LRP1B: variants seen among roughly 807,000 people sequenced by gnomAD.
The protein encoded by LRP1B is LDL receptor related protein 1B.
LRP1B carries 217 observed loss-of-function variants against 556.6 expected under a neutral mutation model. That is an observed-to-expected ratio of 0.39 (90% confidence interval 0.35 to 0.44). The LOEUF is 0.44. Ranked by LOEUF, LRP1B falls within the 20% of genes least tolerant of loss-of-function variation. The probability of loss-of-function intolerance (pLI) is 1.00; values close to 1 mark genes in which losing one functional copy is unlikely to be tolerated. For missense variants in LRP1B, 5,053 were observed against 5,620.8 expected, an observed-to-expected ratio of 0.90 and a Z score of 3.23; for synonymous variants, 2,047 against 1,865.8, an observed-to-expected ratio of 1.10 and a Z score of -2.50.
intron 84 of LRP1B, among the ~76,000 whole-genome samples, chr2:140,296,562 C>T (rs539767692): frequency 2.0e-5 from 3 of 152,094 alleles, no homozygotes; most frequent in East Asian, 3.9e-4. Context: ...TAAAAAAACA[C>T]GCAATTGGGT....
intron 2 of LRP1B, among the ~76,000 whole-genome samples, chr2:141,732,622 A>G (rs1693316050): frequency 6.6e-6 from 1 of 152,130 alleles, no homozygotes; most frequent in Non-Finnish European, 1.5e-5. Context: ...AAATATCAGT[A>G]AGAAACACAC....
intron 22 of LRP1B, among the ~76,000 whole-genome samples, chr2:140,903,872 CATAG>C (rs1199172310): frequency 2.0e-5 from 3 of 149,784 alleles, no homozygotes; most frequent in South Asian, 2.1e-4. Context: ...GTATTGATTA[CATAG>C]ATAATCGATT....
At chr2:141,187,975 G>A (rs530320417) in intron 7 of LRP1B, among the ~76,000 whole-genome samples, 31 of 152,090 alleles carry the variant, frequency 2.0e-4, no homozygotes, top group Admixed American at 9.8e-4. Flanking sequence ...TAGTATCTGG[G>A]TAAACATATG....
intron 32 of LRP1B, among the ~76,000 whole-genome samples, chr2:140,781,719 C>G (rs1040026256): frequency 6.6e-6 from 1 of 152,184 alleles, no homozygotes; most frequent in South Asian, 2.1e-4. Context: ...ATACATATGT[C>G]TTCACATAAC....
At chr2:141,151,010 T>C (rs1282406838) in intron 7 of LRP1B, among the ~76,000 whole-genome samples, 1 of 152,038 alleles carries the variant, frequency 6.6e-6, no homozygotes, top group Non-Finnish European at 1.5e-5. Context: ...ATTTAGGTAC[T>C]ATTTTAGTAG....
At chr2:140,734,917 A>G (rs950733587) in intron 35 of LRP1B, among the ~76,000 whole-genome samples, 1 of 152,090 alleles carries the variant, frequency 6.6e-6, no homozygotes, top group African/African-American at 2.4e-5. Flanking sequence ...TCTATCTTTC[A>G]TATGGCTCAG....
intron 68 of LRP1B, among the ~76,000 whole-genome samples, chr2:140,377,408 T>G (rs945462210): frequency 2.0e-5 from 3 of 152,150 alleles, no homozygotes; most frequent in African/African-American, 7.2e-5. Context: ...TGACTGGACT[T>G]GATTGCGCAA....
intron 2 of LRP1B, among the ~76,000 whole-genome samples, chr2:141,586,728 G>A (rs1459193527): frequency 1.3e-5 from 2 of 152,044 alleles, no homozygotes; most frequent in African/African-American, 4.8e-5. Flanking sequence ...GGATCACAAG[G>A]TCAGGAGATC....
At chr2:140,619,973 T>C (rs1683394385) in intron 41 of LRP1B, among the ~76,000 whole-genome samples, 1 of 152,214 alleles carries the variant, frequency 6.6e-6, no homozygotes. Context: ...ATTTTTTCTA[T>C]AAATTTAAAA....
In LRP1B at chr2:141,595,051, G is replaced by A. The variant is rs555900862; in HGVS notation, c.206-114518C>T. Among the ~76,000 whole-genome samples, 70 of 151,990 alleles carry A rather than the reference G, an allele frequency of 4.6e-4. 1 individual carries two copies. The Middle Eastern group carries it at 0.014, about 30-fold the overall frequency. Reference sequence around the variant, plus strand: ...TTAAAAATCCTAATTCATGAAAGACGGAATAGTACAAACAGAATATTTAAC... The same window carrying A: ...TTAAAAATCCTAATTCATGAAAGACAGAATAGTACAAACAGAATATTTAAC... On this transcript the variant is annotated intron_variant, in intron 2 of 90. Transcript: ENST00000389484.
intron 1 of LRP1B, among the ~76,000 whole-genome samples, chr2:142,094,971 C>G (rs970095338): frequency 5.3e-5 from 8 of 151,616 alleles, no homozygotes; most frequent in African/African-American, 1.9e-4. Context: ...CAAAATGCTG[C>G]TAAAGTACAA....
chr2:140,907,488 G>A (rs76665645), intron 22 of LRP1B, among the ~76,000 whole-genome samples: 6,320 of 152,084 alleles, frequency 0.042, 211 homozygotes, highest in South Asian at 0.1. Context: ...ATGATTAGAA[G>A]GCTTATCAAA....
chr2:141,598,625 C>A (rs548191695), intron 2 of LRP1B, among the ~76,000 whole-genome samples: 1 of 152,222 alleles, frequency 6.6e-6, no homozygotes, highest in African/African-American at 2.4e-5. Flanking sequence ...TCAAAATAAT[C>A]TCAACAATTG....
intron 66 of LRP1B, among the ~76,000 whole-genome samples, chr2:140,416,315 A>C (rs1422975038): frequency 2.0e-5 from 3 of 152,140 alleles, no homozygotes; most frequent in Non-Finnish European, 4.4e-5. Context: ...GAAAATACAG[A>C]TTAACATTAG....
At chr2:140,381,413 A>G (rs562456741) in intron 67 of LRP1B, among the ~76,000 whole-genome samples, 1 of 152,108 alleles carries the variant, frequency 6.6e-6, no homozygotes, top group South Asian at 2.1e-4. Context: ...TATTGCCTAT[A>G]TCCCTGGACC....
intron 2 of LRP1B, among the ~76,000 whole-genome samples, chr2:141,789,326 C>G (rs1017625929): frequency 5.3e-5 from 8 of 151,960 alleles, no homozygotes; most frequent in Non-Finnish European, 1.0e-4. Context: ...CATATCTTCA[C>G]ATGACGAGAA....
In LRP1B at chr2:140,492,929, A is replaced by C. The variant is rs571154614; in HGVS notation, c.9035-236T>G. Among the ~76,000 whole-genome samples, 6 of 152,316 alleles carry C rather than the reference A, an allele frequency of 3.9e-5. No homozygotes were observed. The East Asian group carries it at 1.2e-3, about 29-fold the overall frequency. The stretch of plus-strand genomic sequence containing the variant: ...CTAAGTGCATCCCTTGCTTCCTCTC[A>C]ATATTCTTGACATTCAGATAATTTA... On this transcript the variant is annotated intron_variant, in intron 56 of 90. Transcript: ENST00000389484.
At chr2:140,949,938 C>CAAAA (rs67201185) in intron 20 of LRP1B, among the ~76,000 whole-genome samples, 3 of 14,266 alleles carry the variant, frequency 2.1e-4, no homozygotes, top group African/African-American at 3.0e-4. Context: ...GACTCCGTCT[C>CAAAA]AAAAAAAAAA....
intron 84 of LRP1B, among the ~76,000 whole-genome samples, chr2:140,279,298 G>A (rs994718560): frequency 1.3e-4 from 20 of 151,866 alleles, no homozygotes; most frequent in Non-Finnish European, 8.8e-5. Flanking sequence ...GTGTTATCAC[G>A]GTGCATGCTA....
Sources: allele counts gnomAD v4.1 joint callset (sites outside exome capture counted in the v4.1 genomes callset), GRCh38; gene constraint gnomAD v4.1.1; transcripts MANE v1.5; gene names NCBI Gene and HGNC (gene_info 2026-07-23, HGNC 2026-07-21).